RNF114: variants seen among roughly 807,000 people sequenced by gnomAD.
The protein encoded by RNF114 is ring finger protein 114.
Under a neutral mutation model 28.4 loss-of-function variants are expected in RNF114, and 6 were observed. That is an observed-to-expected ratio of 0.21 (90% CI 0.12 to 0.42). RNF114 has a LOEUF of 0.42. RNF114 is among the 10% of genes least tolerant of loss of function. The probability of loss-of-function intolerance (pLI) is 1.00; values close to 1 mark genes in which losing one functional copy is unlikely to be tolerated. For synonymous variants in RNF114, 115 were observed against 116.7 expected (o/e 0.99, Z 0.09); for missense variants, 249 against 311.7 (o/e 0.80, Z 1.51).
intron 1 of RNF114, among the ~76,000 whole-genome samples, chr20:49,940,113 T>C (rs1334680144): frequency 6.6e-6 from 1 of 151,458 alleles, no homozygotes; most frequent in Non-Finnish European, 1.5e-5. Flanking sequence ...CACAGAGATA[T>C]TTTTCTGAAA....
chr20:49,949,485 A>T lies in RNF114; in HGVS notation c.621+130A>T, dbSNP rs6067280. 8 of 727,278 alleles carry T rather than the reference A, an allele frequency of 1.1e-5. No homozygotes were observed. The Admixed American group carries it at 1.4e-4, about 12-fold the overall frequency. The allele number at this position is 727,278 out of a possible 1,614,324, so 45.1% of individuals were successfully genotyped here. Reference sequence around the variant, plus strand: ...CTGTTGTGATGGGCTTCCAGTCTGTATACTGGATACAGTGATAAAGGGGAT... The same window carrying T: ...CTGTTGTGATGGGCTTCCAGTCTGTTTACTGGATACAGTGATAAAGGGGAT... On this transcript the variant is annotated intron_variant, in intron 5 of 5. Transcript: ENST00000244061.
At chr20:49,936,937 AT>A (rs1484846334) in intron 1 of RNF114, among the ~76,000 whole-genome samples, 1 of 152,142 alleles carries the variant, frequency 6.6e-6, no homozygotes, top group African/African-American at 2.4e-5. Context: ...AGCATAGGAC[AT>A]TTGGCGTCGT....
At chr20:49,947,335 A>G (rs1337133868) in intron 4 of RNF114, among the ~76,000 whole-genome samples, 3 of 149,418 alleles carry the variant, frequency 2.0e-5, no homozygotes, top group Admixed American at 1.4e-4. Context: ...TACTTCCTCT[A>G]TAGTTTTAAT....
Position 49,941,656 on chromosome 20 carries a change from A to G in RNF114, c.236A>G (p.Glu79Gly). 2 of 1,612,936 alleles carry G rather than the reference A, an allele frequency of 1.2e-6. No homozygotes were observed. The highest frequency in any genetic ancestry group is 2.2e-5 in the South Asian group (2 of 91,024). Residue 79 changes from glutamate (E) to glycine (G), a missense_variant, in exon 2 of 6, where the codon GAG becomes GGG. Glu to Gly is a moderately conservative substitution (Grantham distance 98, BLOSUM62 -2). Transcript: ENST00000244061. The stretch of plus-strand genomic sequence containing the variant: ...CTGGCACCTGGCGTCCGAGCCGTGG[A>G]GCTCGAGCGGCAGATCGAGAGCACA... Reference protein sequence around the residue: ...SALAPGVRAVELERQIESTET... With the variant: ...SALAPGVRAVGLERQIESTET...
intron 2 of RNF114, chr20:49,942,030 C>A: frequency 3.8e-6 from 1 of 260,952 alleles, no homozygotes; most frequent in Non-Finnish European, 7.3e-6. Context: ...TTTGGGAGTC[C>A]GAGGCAAGAG....
chr20:49,943,676 T>TG (rs1555857435), intron 2 of RNF114, among the ~76,000 whole-genome samples: 1 of 104,402 alleles, frequency 9.6e-6, no homozygotes, highest in African/African-American at 3.0e-5. Context: ...TTTTTTTTTT[T>TG]GAGACGGAGT....
chr20:49,943,656 T>C (rs2090316349), intron 2 of RNF114, among the ~76,000 whole-genome samples: 1 of 127,456 alleles, frequency 7.8e-6, no homozygotes, highest in Admixed American at 8.0e-5. Context: ...GTCTTCTTTT[T>C]TTTTTTTTTT....
intron 4 of RNF114, 101 bp from the exon 5 acceptor site, chr20:49,949,147 C>A: frequency 1.1e-6 from 1 of 915,114 alleles, no homozygotes; most frequent in Non-Finnish European, 1.8e-6. Context: ...GACAGTATGT[C>A]AGGAAAGCTG....
intron 5 of RNF114, among the ~76,000 whole-genome samples, chr20:49,950,753 G>A (rs991863055): frequency 2.0e-5 from 3 of 151,312 alleles, no homozygotes; most frequent in Non-Finnish European, 2.9e-5. Context: ...AATCTCGCAT[G>A]TCCATGGGGA....
intron 1 of RNF114, among the ~76,000 whole-genome samples, chr20:49,937,065 A>G (rs887414029): frequency 2.6e-5 from 4 of 152,150 alleles, no homozygotes; most frequent in African/African-American, 7.2e-5. Flanking sequence ...CTTAGCTGTG[A>G]AAGGGGGGTG....
At position 49,952,422 on chromosome 20, in the gene RNF114, G is replaced by A. The variant is rs2090358518; in HGVS notation, c.*281G>A. 1 of 525,162 alleles carries A rather than the reference G, an allele frequency of 1.9e-6. No homozygotes were observed. The highest frequency in any genetic ancestry group is 3.2e-5 in the Admixed American group (1 of 31,228). The allele number at this position is 525,162 out of a possible 1,614,324, so 32.5% of individuals were successfully genotyped here. On this transcript the variant is annotated 3_prime_UTR_variant, in exon 6 of 6. Transcript: ENST00000244061. ...CTTCCTGGAGCTTCTGCCGCCTCCT[G>A]TGGAAGATAATCTAGCTTCTCCACC... is the stretch of plus-strand genomic sequence containing the variant.
rs1470907316 is a variant in RNF114, at chr20:49,947,233, C to G, written c.513+983C>G. ...AAACTGCCCCCCCCCCCCCCCCCCC[C>G]CCCAAAAAAGTATTTGTTCCATCTT... On this transcript the variant is annotated intron_variant, in intron 4 of 5. Coordinates refer to ENST00000244061, the MANE Select transcript of RNF114 (RefSeq NM_018683.4). Among the ~76,000 whole-genome samples the G allele has an allele frequency of 2.7e-4, 5 of 18,470 alleles. 1 individual carries two copies. The East Asian group carries it at 5.8e-3, about 21-fold the overall frequency. The allele number at this position is 18,470 out of a possible 152,430, so 12.1% of individuals were successfully genotyped here.
chr20:49,939,871 G>A (rs1167709817), intron 1 of RNF114, among the ~76,000 whole-genome samples: 2 of 151,708 alleles, frequency 1.3e-5, no homozygotes, highest in East Asian at 1.9e-4. Flanking sequence ...CCTGGCTAAC[G>A]TGGTGAAACC....
In RNF114 at chr20:49,951,968, C is replaced by T. The variant is rs140023579; in HGVS notation, c.622-108C>T. 2.0e-3 allele frequency: 1,762 copies of T among 875,492 alleles called. 22 individuals are homozygous for T. The African/African-American group carries it at 0.025, about 13-fold the overall frequency. The allele number at this position is 875,492 out of a possible 1,614,324, so 54.2% of individuals were successfully genotyped here. Reference sequence around the variant, plus strand: ...AACAGTTGCACTGGGGATCCGGTCCCTGGCAACCTGCTCCGGATCCAGTTG... The same window carrying T: ...AACAGTTGCACTGGGGATCCGGTCCTTGGCAACCTGCTCCGGATCCAGTTG... On this transcript the variant is annotated intron_variant, in intron 5 of 5. Coordinates refer to ENST00000244061, the MANE Select transcript of RNF114 (RefSeq NM_018683.4).
chr20:49,946,260 C>CA lies in RNF114; in HGVS notation c.513+10_513+11insA. On this transcript the variant is annotated intron_variant, in intron 4 of 5. Coordinates refer to ENST00000244061, the MANE Select transcript of RNF114 (RefSeq NM_018683.4). Reference sequence around the variant, plus strand: ...GGATACCAAATCTGTGGTGAGTAACCTTTTTTTTTTTTTTTAAACTTCATT... The same window carrying CA: ...GGATACCAAATCTGTGGTGAGTAACCATTTTTTTTTTTTTTTAAACTTCATT... 3.7e-6 allele frequency: 4 copies of CA among 1,080,364 alleles called. No homozygotes were observed. The highest frequency in any genetic ancestry group is 5.3e-6 in the Non-Finnish European group (4 of 755,606). The allele number at this position is 1,080,364 out of a possible 1,614,324, so 66.9% of individuals were successfully genotyped here. A position where few individuals can be genotyped will look rare whatever the true frequency, so the allele number is the denominator to read the frequency against.
chr20:49,946,454 C>T (rs954492111), intron 4 of RNF114, among the ~76,000 whole-genome samples: 3 of 152,108 alleles, frequency 2.0e-5, no homozygotes, highest in Admixed American at 6.6e-5. Flanking sequence ...GATACCATGA[C>T]CATTTTTGCA....
chr20:49,941,974 A>C (rs544845110), intron 2 of RNF114: 1 of 425,146 alleles, frequency 2.4e-6, no homozygotes, highest in Non-Finnish European at 4.2e-6. Context: ...CCTATAAAAG[A>C]TCAATTATGG....
At chr20:49,943,402 C>T (rs1261263690) in intron 2 of RNF114, among the ~76,000 whole-genome samples, 1 of 151,970 alleles carries the variant, frequency 6.6e-6, no homozygotes, top group East Asian at 1.9e-4. Flanking sequence ...CCTTGGGAGG[C>T]TGAGGTGGGA....
At position 49,946,261 on chromosome 20, in the gene RNF114, T is replaced by C. The variant is rs1416155847; in HGVS notation, c.513+11T>C. On this transcript the variant is annotated intron_variant, in intron 4 of 5. Coordinates refer to ENST00000244061, the MANE Select transcript of RNF114 (RefSeq NM_018683.4). The stretch of plus-strand genomic sequence containing the variant: ...GATACCAAATCTGTGGTGAGTAACC[T>C]TTTTTTTTTTTTTTAAACTTCATTA... The C allele has an allele frequency of 8.4e-6, 3 of 355,566 alleles. No homozygotes were observed. Among genetic ancestry groups the C allele is most frequent in the Non-Finnish European group, 4.1e-6 (1 of 242,420 alleles). The allele number at this position is 355,566 out of a possible 1,614,324, so 22.0% of individuals were successfully genotyped here.
Sources: allele counts gnomAD v4.1 joint callset (sites outside exome capture counted in the v4.1 genomes callset), GRCh38; gene constraint gnomAD v4.1.1; transcripts MANE v1.5; gene names NCBI Gene and HGNC (gene_info 2026-07-23, HGNC 2026-07-21).